KCNK9: variants seen among roughly 807,000 people sequenced by gnomAD.
The protein encoded by KCNK9 is potassium two pore domain channel subfamily K member 9, also known as potassium channel subfamily K member 9.
KCNK9 carries 1 observed loss-of-function variant against 10.8 expected under a neutral mutation model. The ratio of observed to expected loss-of-function variants is 0.09; its 90% CI spans 0.03 to 0.44. The LOEUF is 0.44. Among genes scored for constraint, KCNK9 ranks in the 20% least tolerant of loss-of-function variants. KCNK9 has a pLI of 0.97. For synonymous variants in KCNK9, 231 were observed against 222.7 expected, an observed-to-expected ratio of 1.04 and a Z score of -0.33; for missense variants, 303 against 515.0, an observed-to-expected ratio of 0.59 and a Z score of 3.98.
At chr8:139,663,011 C>G (rs1383133988) in intron 1 of KCNK9, among the ~76,000 whole-genome samples, 1 of 152,034 alleles carries the variant, frequency 6.6e-6, no homozygotes, top group East Asian at 1.9e-4. Context: ...AGGGCAGCAC[C>G]CCTCCAGCCC....
intron 1 of KCNK9, among the ~76,000 whole-genome samples, chr8:139,625,237 G>A (rs1814932759): frequency 6.6e-6 from 1 of 152,240 alleles, no homozygotes; most frequent in South Asian, 2.1e-4. Flanking sequence ...CAGCCTGCCT[G>A]CTTCCACAGG....
intron 1 of KCNK9, among the ~76,000 whole-genome samples, chr8:139,644,985 G>T (rs1282152162): frequency 6.6e-6 from 1 of 152,206 alleles, no homozygotes. Flanking sequence ...AAGCCCCCAG[G>T]AGGTTAGCAC....
intron 1 of KCNK9, among the ~76,000 whole-genome samples, chr8:139,698,118 C>A (rs1325452193): frequency 6.6e-6 from 1 of 152,184 alleles, no homozygotes; most frequent in South Asian, 2.1e-4. Context: ...GGGAAAACAC[C>A]ACAGTTGGAG....
rs1273700351 is a variant in KCNK9, at chr8:139,617,230, CTA to C, written c.*1026_*1027del. On this transcript the variant is annotated 3_prime_UTR_variant, in exon 2 of 2. Coordinates refer to ENST00000520439, the MANE Select transcript of KCNK9 (RefSeq NM_001282534.2). ...CCATTCTCACCCAAGCATTCCAACA[CTA>C]TAATTCTTATTTATGCAGGGTAGGT... Among the ~76,000 whole-genome samples, 1 of 152,218 alleles carries C rather than the reference CTA, an allele frequency of 6.6e-6. No individual in the cohort carries two copies. Among genetic ancestry groups the C allele is most frequent in the African/African-American group, 2.4e-5 (1 of 41,460 alleles).
chr8:139,623,847 T>C (rs1244278297), intron 1 of KCNK9, among the ~76,000 whole-genome samples: 1 of 152,028 alleles, frequency 6.6e-6, no homozygotes, highest in Non-Finnish European at 1.5e-5. Flanking sequence ...CACAGGGCAC[T>C]AAAGGTAGAG....
intron 1 of KCNK9, among the ~76,000 whole-genome samples, chr8:139,661,716 G>A (rs1586672913): frequency 6.6e-6 from 1 of 152,344 alleles, no homozygotes. Context: ...CAATTCCAGG[G>A]CAAAGGCCTG....
chr8:139,697,608 T>C (rs1817094310), intron 1 of KCNK9, among the ~76,000 whole-genome samples: 1 of 151,978 alleles, frequency 6.6e-6, no homozygotes, highest in East Asian at 1.9e-4. Flanking sequence ...GGGGCCTGTT[T>C]CACCTACTGC....
At chr8:139,623,528 G>C (rs1563720553) in intron 1 of KCNK9, among the ~76,000 whole-genome samples, 1 of 152,132 alleles carries the variant, frequency 6.6e-6, no homozygotes, top group Admixed American at 6.5e-5. Context: ...GATGTGGAAA[G>C]GCCACAGGTG....
chr8:139,645,853 G>A (rs1203992276), intron 1 of KCNK9, among the ~76,000 whole-genome samples: 1 of 152,172 alleles, frequency 6.6e-6, no homozygotes, highest in Non-Finnish European at 1.5e-5. Flanking sequence ...GGCAGCAAGA[G>A]GGAGCTTCCC....
intron 2 of KCNK9, among the ~76,000 whole-genome samples, chr8:139,605,957 A>G (rs1029417029): frequency 6.6e-6 from 1 of 152,192 alleles, no homozygotes; most frequent in Non-Finnish European, 1.5e-5. Flanking sequence ...GCCATTTGTG[A>G]AGGTGCCATC....
At chr8:139,666,810 A>T (rs1408927427) in intron 1 of KCNK9, among the ~76,000 whole-genome samples, 1 of 152,236 alleles carries the variant, frequency 6.6e-6, no homozygotes, top group Non-Finnish European at 1.5e-5. Flanking sequence ...CTTTCTGCTT[A>T]ACATTTTCCT....
chr8:139,697,831 A>G (rs968424926), intron 1 of KCNK9, among the ~76,000 whole-genome samples: 1 of 152,162 alleles, frequency 6.6e-6, no homozygotes, highest in Non-Finnish European at 1.5e-5. Context: ...CATGACATCT[A>G]CAAAGAGGCA....
At chr8:139,690,226 G>C (rs558466416) in intron 1 of KCNK9, among the ~76,000 whole-genome samples, 26 of 152,330 alleles carry the variant, frequency 1.7e-4, no homozygotes, top group Admixed American at 1.3e-3. Context: ...TTAGCTACAT[G>C]ACCCTGGGCA....
At chr8:139,679,601 G>A (rs1816639505) in intron 1 of KCNK9, among the ~76,000 whole-genome samples, 1 of 152,216 alleles carries the variant, frequency 6.6e-6, no homozygotes, top group African/African-American at 2.4e-5. Context: ...GTGCCAGCAT[G>A]TCCTCAACTT....
chr8:139,609,504 C>T (rs1411554011), downstream of KCNK9, among the ~76,000 whole-genome samples: 1 of 152,008 alleles, frequency 6.6e-6, no homozygotes, highest in Non-Finnish European at 1.5e-5. Flanking sequence ...TGCTTCAGGC[C>T]AAGCCCAAAG....
rs60686948 is a variant in KCNK9 at position 139,621,290 on chromosome 8, CA to C, written c.284-2192del. Among the ~76,000 whole-genome samples, 907 of 110,756 alleles carry C rather than the reference CA, an allele frequency of 8.2e-3. 3 individuals carry two copies. Among genetic ancestry groups the C allele is most frequent in the Admixed American group, 0.01 (108 of 10,354 alleles). The allele number at this position is 110,756 out of a possible 152,430, so 72.7% of individuals were successfully genotyped here. A position where few individuals can be genotyped will look rare whatever the true frequency, so the allele number is the denominator to read the frequency against. ...TGGGTGACAGAGCGAGACTCCATCT[CA>C]AAAAAAAAAAAAAAATAGCCAAATT... is the stretch of plus-strand genomic sequence containing the variant. On this transcript the variant is annotated intron_variant, in intron 1 of 1. Transcript: ENST00000520439.
At chr8:139,672,069 G>A (rs2129736368) in intron 1 of KCNK9, among the ~76,000 whole-genome samples, 1 of 152,304 alleles carries the variant, frequency 6.6e-6, no homozygotes, top group South Asian at 2.1e-4. Flanking sequence ...CCTTCCTCAG[G>A]CCGGGCAGGT....
At chr8:139,649,747 G>A (rs760646941) in intron 1 of KCNK9, among the ~76,000 whole-genome samples, 1 of 152,140 alleles carries the variant, frequency 6.6e-6, no homozygotes, top group East Asian at 1.9e-4. Flanking sequence ...AACCCTGGGG[G>A]GAAAAAAATT....
At chr8:139,684,965 T>A (rs1196728607) in intron 1 of KCNK9, among the ~76,000 whole-genome samples, 5 of 152,210 alleles carry the variant, frequency 3.3e-5, no homozygotes, top group Admixed American at 6.5e-5. Context: ...AAAATAATGA[T>A]AATTTAAACA....
Sources: gnomAD v4.1 joint callset for allele counts (sites outside exome capture counted in the v4.1 genomes callset) on GRCh38, gnomAD v4.1.1 for gene constraint, MANE v1.5 for transcripts, NCBI Gene and HGNC (gene_info 2026-07-23, HGNC 2026-07-21) for gene names.